COL5A2: variants seen among roughly 807,000 people sequenced by gnomAD.
COL5A2 encodes collagen type V alpha 2 chain, also known as collagen alpha-2(V) chain.
A neutral mutation model predicts 208.2 loss-of-function variants in COL5A2; 23 were observed. That is an observed-to-expected ratio of 0.11 (90% CI 0.08 to 0.16). COL5A2 has a LOEUF of 0.16. Ranked by LOEUF, COL5A2 falls within the 10% of genes least tolerant of loss-of-function variation. The probability of loss-of-function intolerance (pLI) is 1.00; values close to 1 mark genes in which losing one functional copy is unlikely to be tolerated. For missense variants in COL5A2, 1,590 were observed against 1,956.4 expected (o/e 0.81, Z 3.53); for synonymous variants, 625 against 628.5 (o/e 0.99, Z 0.08).
At chr2:189,189,139 A>T (rs1253836808) in intron 1 of COL5A2, among the ~76,000 whole-genome samples, 1 of 152,184 alleles carries the variant, frequency 6.6e-6, no homozygotes, top group Non-Finnish European at 1.5e-5. Context: ...ATTTGAATGA[A>T]ATAATTGCAC....
At chr2:189,221,857 A>G (rs1404866529) in intron 1 of COL5A2, among the ~76,000 whole-genome samples, 1 of 152,182 alleles carries the variant, frequency 6.6e-6, no homozygotes, top group African/African-American at 2.4e-5. Context: ...TGACAAACTA[A>G]TAATGCTGGA....
At chr2:189,263,807 C>T in the COL5A2 span, among the ~76,000 whole-genome samples, 4 of 152,066 alleles carry the variant, frequency 2.6e-5, no homozygotes, top group Non-Finnish European at 5.9e-5. Flanking sequence ...TTGTATCCTA[C>T]GTGTGTAGTA....
the COL5A2 span, among the ~76,000 whole-genome samples, chr2:189,363,741 C>T: frequency 6.6e-6 from 1 of 152,098 alleles, no homozygotes; most frequent in Non-Finnish European, 1.5e-5. Flanking sequence ...TCATGAGTGG[C>T]ATTGGAATCT....
At chr2:189,291,504 C>T in the COL5A2 span, among the ~76,000 whole-genome samples, 1 of 151,992 alleles carries the variant, frequency 6.6e-6, no homozygotes, top group Admixed American at 6.6e-5. Flanking sequence ...TTGATTATTT[C>T]ATTCCTGGCA....
chr2:189,310,455 C>A, the COL5A2 span, among the ~76,000 whole-genome samples: 2,588 of 152,234 alleles, frequency 0.017, 77 homozygotes, highest in African/African-American at 0.06. Flanking sequence ...GAAAAATAAA[C>A]CCTTGTGCAC....
At chr2:189,329,749 T>C in the COL5A2 span, among the ~76,000 whole-genome samples, 2 of 152,204 alleles carry the variant, frequency 1.3e-5, no homozygotes, top group East Asian at 1.9e-4. Context: ...ATTTATTTGC[T>C]TCAGCCTTTA....
the COL5A2 span, among the ~76,000 whole-genome samples, chr2:189,269,498 T>C: frequency 8.4e-4 from 128 of 152,274 alleles, 1 homozygote; most frequent in African/African-American, 3.0e-3. Context: ...GAGATAATCA[T>C]GTGGTTTTTG....
At chr2:189,414,511 T>C in the COL5A2 span, among the ~76,000 whole-genome samples, 4 of 152,072 alleles carry the variant, frequency 2.6e-5, no homozygotes, top group Non-Finnish European at 5.9e-5. Context: ...ATCCTAGCAC[T>C]TTGGGAGGCC....
intron 1 of COL5A2, among the ~76,000 whole-genome samples, chr2:189,157,178 T>C (rs1051654183): frequency 1.0e-4 from 10 of 95,664 alleles, no homozygotes; most frequent in Non-Finnish European, 1.4e-4. Flanking sequence ...TATATCTATA[T>C]ATATAGCTTA....
intron 1 of COL5A2, among the ~76,000 whole-genome samples, chr2:189,125,421 A>G (rs77185180): frequency 0.027 from 4,076 of 152,220 alleles, 197 homozygotes; most frequent in African/African-American, 0.093. Flanking sequence ...ATTCACATAC[A>G]GTTGAATCTT....
In COL5A2 at chr2:189,148,274, C is replaced by CAT. The variant is rs544593482; in HGVS notation, c.97+31232_97+31233dup. On this transcript the variant is annotated intron_variant, in intron 1 of 53. Coordinates refer to ENST00000374866, the MANE Select transcript of COL5A2 (RefSeq NM_000393.5). ...AATTATTTGTCAAGAAAAAAATATG[C>CAT]ATATATATAGTAGTATCTGACACTT... is the stretch of plus-strand genomic sequence containing the variant. Among the ~76,000 whole-genome samples the CAT allele has an allele frequency of 7.2e-4, 110 of 152,112 alleles. 1 individual carries two copies. The highest frequency in any genetic ancestry group is 2.3e-3 in the African/African-American group (97 of 41,498).
chr2:189,109,413 T>C (rs994917789), intron 2 of COL5A2, among the ~76,000 whole-genome samples: 6 of 152,106 alleles, frequency 3.9e-5, no homozygotes, highest in African/African-American at 1.4e-4. Flanking sequence ...TCCATATACA[T>C]ACTGTTGAAA....
At chr2:189,243,733 C>G in the COL5A2 span, among the ~76,000 whole-genome samples, 3 of 152,150 alleles carry the variant, frequency 2.0e-5, no homozygotes, top group Non-Finnish European at 4.4e-5. Context: ...AGCATTAATT[C>G]AAAAGTCCAC....
chr2:189,122,035 A>G (rs1469007626), intron 1 of COL5A2, among the ~76,000 whole-genome samples: 1 of 152,170 alleles, frequency 6.6e-6, no homozygotes, highest in Non-Finnish European at 1.5e-5. Context: ...ACTATATACC[A>G]TGGAAGAAAG....
chr2:189,044,435 A>T (rs181405401), intron 47 of COL5A2, among the ~76,000 whole-genome samples: 3 of 152,294 alleles, frequency 2.0e-5, no homozygotes, highest in Non-Finnish European at 2.9e-5. Context: ...AAACTAAACT[A>T]AATCAGAAGG....
intron 1 of COL5A2, among the ~76,000 whole-genome samples, chr2:189,165,788 T>C (rs1301814211): frequency 6.6e-6 from 1 of 152,178 alleles, no homozygotes; most frequent in African/African-American, 2.4e-5. Context: ...GCTCTATATG[T>C]AGAAAAATGG....
the COL5A2 span, among the ~76,000 whole-genome samples, chr2:189,372,944 T>C: frequency 6.6e-6 from 1 of 152,176 alleles, no homozygotes; most frequent in Admixed American, 6.5e-5. Context: ...CACACCTCTC[T>C]CATCCGAAGC....
At chr2:189,048,951 T>C (rs1296831506) in intron 44 of COL5A2, among the ~76,000 whole-genome samples, 1 of 152,212 alleles carries the variant, frequency 6.6e-6, no homozygotes, top group Non-Finnish European at 1.5e-5. Context: ...CTACTAACTT[T>C]GCCCTTTTCA....
At position 189,075,394 on chromosome 2, in the gene COL5A2, A is replaced by T. The variant is rs1309692742; in HGVS notation, c.1103T>A (p.Met368Lys). ...TAATATGAAAATAATATAACTCACC[A>T]TTGGTCCAGGTTTTCCAGGCATACC... ...AHGMPGKPGP[M>K]GPLGIPGSSG... is the part of the protein sequence containing the mutation. Residue 368 changes from methionine to lysine, a missense_variant and splice_region_variant, in exon 17 of 54, where the codon ATG (methionine) becomes AAG (lysine). Met to Lys is a moderately conservative substitution (Grantham distance 95). Transcript: ENST00000374866. 2 of 1,595,680 alleles carry T rather than the reference A, an allele frequency of 1.3e-6. No individual in the cohort carries two copies. Among genetic ancestry groups the T allele is most frequent in the Admixed American group, 1.7e-5 (1 of 59,920 alleles).
Sources: gnomAD v4.1 joint callset for allele counts (sites outside exome capture counted in the v4.1 genomes callset) on GRCh38, gnomAD v4.1.1 for gene constraint, MANE v1.5 for transcripts, NCBI Gene and HGNC (gene_info 2026-07-23, HGNC 2026-07-21) for gene names.